Variants in FBXO4 observed in about 807,000 individuals in gnomAD.
The protein encoded by FBXO4 is F-box protein 4.
In FBXO4, 36 loss-of-function variants were observed where a neutral mutation model predicts 43.7. The ratio of observed to expected loss-of-function variants is 0.82; its 90% CI spans 0.63 to 1.09. The LOEUF is 1.09. FBXO4 is among the 50% of genes least tolerant of loss of function. FBXO4 has a pLI of 0.00. For synonymous variants in FBXO4, 180 were observed against 165.6 expected, an observed-to-expected ratio of 1.09 and a Z score of -0.67; for missense variants, 435 against 474.1, an observed-to-expected ratio of 0.92 and a Z score of 0.77.
chr5:41,944,212 CTTAT>C (rs1752043936), downstream of FBXO4, among the ~76,000 whole-genome samples: 1 of 152,146 alleles, frequency 6.6e-6, no homozygotes, highest in African/African-American at 2.4e-5. Flanking sequence ...AATGGAAGTT[CTTAT>C]TTAACATATT....
chr5:41,990,864 C>G, the FBXO4 span, among the ~76,000 whole-genome samples: 2 of 152,118 alleles, frequency 1.3e-5, no homozygotes, highest in Non-Finnish European at 2.9e-5. Context: ...AGTTCTTGCT[C>G]CTTACTACCA....
At chr5:41,947,559 G>C in the FBXO4 span, among the ~76,000 whole-genome samples, 2 of 152,236 alleles carry the variant, frequency 1.3e-5, no homozygotes, top group Non-Finnish European at 1.5e-5. Context: ...GAGGAGCCCA[G>C]AGGATTGTCC....
chr5:41,973,726 A>G, the FBXO4 span, among the ~76,000 whole-genome samples: 2,061 of 152,276 alleles, frequency 0.014, 20 homozygotes, highest in Non-Finnish European at 0.022. Flanking sequence ...TGATCCAGCA[A>G]TCCCATTACT....
chr5:41,968,180 C>T, the FBXO4 span: 2 of 256,604 alleles, frequency 7.8e-6, no homozygotes, highest in Non-Finnish European at 1.6e-5. Flanking sequence ...TTAGGTTGGC[C>T]AGCTGTTCAG....
the FBXO4 span, among the ~76,000 whole-genome samples, chr5:42,033,171 C>A: frequency 6.6e-6 from 1 of 152,108 alleles, no homozygotes; most frequent in Admixed American, 6.6e-5. Context: ...GTGAGCTGTG[C>A]AGCCTGGGGT....
At chr5:42,033,179 G>T in the FBXO4 span, among the ~76,000 whole-genome samples, 6 of 152,232 alleles carry the variant, frequency 3.9e-5, 1 homozygote, top group African/African-American at 1.4e-4. Flanking sequence ...TGCAGCCTGG[G>T]GTTGGGGGAG....
At chr5:41,989,609 A>G in the FBXO4 span, among the ~76,000 whole-genome samples, 1 of 152,144 alleles carries the variant, frequency 6.6e-6, no homozygotes, top group East Asian at 1.9e-4. Context: ...TGTGCACCCA[A>G]TTAAAAGATC....
the FBXO4 span, among the ~76,000 whole-genome samples, chr5:41,974,266 A>G: frequency 1.3e-5 from 2 of 152,112 alleles, no homozygotes; most frequent in South Asian, 2.1e-4. Flanking sequence ...TCTGTCATCA[A>G]TTTTGGAGAA....
the FBXO4 span, among the ~76,000 whole-genome samples, chr5:42,032,215 C>G: frequency 6.6e-6 from 1 of 152,064 alleles, no homozygotes; most frequent in African/African-American, 2.4e-5. Context: ...CACCCAAGGC[C>G]TGCAGTGACG....
the FBXO4 span, among the ~76,000 whole-genome samples, chr5:42,019,926 T>C: frequency 2.8e-4 from 43 of 152,104 alleles, no homozygotes; most frequent in African/African-American, 1.0e-3. Context: ...CGCAACTCTG[T>C]TTTAGAATGA....
rs1751781441 is a variant in FBXO4, at chr5:41,934,177, A to C, written c.767A>C (p.Asn256Thr). Residue 256 changes from asparagine (N) to threonine (T), a missense_variant, in exon 5 of 7, where the codon AAC (asparagine) becomes ACC (threonine). Coordinates refer to ENST00000281623, the MANE Select transcript of FBXO4 (RefSeq NM_012176.3). ...AGGGAAGAGCATACAAGTGCAGTTA[A>C]CAAGATGTTCAGTCGACACAATGAA... ...RAREEHTSAV[N>T]KMFSRHNEGD... The C allele has an allele frequency of 1.2e-6, 2 of 1,614,022 alleles. No individual in the cohort carries two copies. The highest frequency in any genetic ancestry group is 1.3e-5 in the African/African-American group (1 of 74,946).
chr5:41,935,335 A>G (rs1259373832), intron 5 of FBXO4, among the ~76,000 whole-genome samples: 1 of 152,204 alleles, frequency 6.6e-6, no homozygotes, highest in Non-Finnish European at 1.5e-5. Context: ...CAGGAGACCT[A>G]TGAGTGCCCT....
At chr5:41,929,947 C>A in intron 3 of FBXO4, 30 bp downstream of exon 3, 1 of 1,471,010 alleles carries the variant, frequency 6.8e-7, no homozygotes, top group South Asian at 1.2e-5. Flanking sequence ...ACAGTTAATT[C>A]AAACACTTTG....
chr5:42,031,216 C>T, the FBXO4 span, among the ~76,000 whole-genome samples: 8 of 152,094 alleles, frequency 5.3e-5, no homozygotes, highest in African/African-American at 1.7e-4. Flanking sequence ...CCTAAATTTC[C>T]AACAACAATA....
At chr5:41,932,211 A>G (rs72746999) in intron 3 of FBXO4, among the ~76,000 whole-genome samples, 12,222 of 152,268 alleles carry the variant, frequency 0.08, 704 homozygotes, top group African/African-American at 0.16. Flanking sequence ...AAGACGAGAG[A>G]ATATGGGGTT....
At chr5:42,018,967 G>C in the FBXO4 span, among the ~76,000 whole-genome samples, 1 of 152,152 alleles carries the variant, frequency 6.6e-6, no homozygotes, top group Non-Finnish European at 1.5e-5. Flanking sequence ...GTGGTGAACA[G>C]AGCGAAGGGA....
chr5:41,968,290 C>A, the FBXO4 span: 1 of 166,304 alleles, frequency 6.0e-6, no homozygotes. Flanking sequence ...GTGGAAAGGG[C>A]GAGGACAGAG....
At chr5:41,961,462 G>A in the FBXO4 span, among the ~76,000 whole-genome samples, 136 of 152,250 alleles carry the variant, frequency 8.9e-4, no homozygotes, top group African/African-American at 3.2e-3. Context: ...CTATGGTTCT[G>A]GAATCCAGAA....
intron 1 of FBXO4, among the ~76,000 whole-genome samples, chr5:41,926,358 G>A (rs1751499664): frequency 6.6e-6 from 1 of 152,180 alleles, no homozygotes; most frequent in Admixed American, 6.5e-5. Flanking sequence ...CGGATCACGA[G>A]GTCAGGAGAT....
Sources: gnomAD v4.1 joint callset for allele counts (sites outside exome capture counted in the v4.1 genomes callset) on GRCh38, gnomAD v4.1.1 for gene constraint, MANE v1.5 for transcripts, NCBI Gene and HGNC (gene_info 2026-07-23, HGNC 2026-07-21) for gene names.